The following C19orf38 variants were observed in gnomAD, a reference collection of about 807,000 sequenced individuals.
C19orf38 encodes the protein protein HIDE1.
Under a neutral mutation model 26.6 loss-of-function variants are expected in C19orf38, and 14 were observed. The observed-to-expected ratio is 0.53, with a 90% confidence interval of 0.35 to 0.82. The LOEUF is 0.82. Among genes scored for constraint, C19orf38 ranks in the 40% least tolerant of loss-of-function variants. The pLI, the probability that C19orf38 is intolerant of heterozygous loss-of-function variation, is 0.01. For missense variants in C19orf38, 261 were observed against 299.5 expected (o/e 0.87, Z 0.95); for synonymous variants, 132 against 128.5 (o/e 1.03, Z -0.18).
chr19:10,839,890 A>G (rs759166198), intron 1 of C19orf38, among the ~76,000 whole-genome samples: 11 of 151,904 alleles, frequency 7.2e-5, no homozygotes, highest in Non-Finnish European at 1.0e-4. Flanking sequence ...ACACCTGGCT[A>G]ATTATTTTTC....
At chr19:10,864,100 G>A (rs552746883) in intron 6 of C19orf38, among the ~76,000 whole-genome samples, 4 of 152,084 alleles carry the variant, frequency 2.6e-5, no homozygotes, top group South Asian at 2.1e-4. Flanking sequence ...TAGCTCTGTC[G>A]CCCAGGCTGG....
At chr19:10,851,417 T>C (rs1869289269) in intron 2 of C19orf38, among the ~76,000 whole-genome samples, 1 of 149,920 alleles carries the variant, frequency 6.7e-6, no homozygotes, top group Admixed American at 6.7e-5. Context: ...CATAGCTCAC[T>C]TCATCCTCCA....
chr19:10,865,438 T>C (rs2073742568), intron 6 of C19orf38, among the ~76,000 whole-genome samples: 1 of 150,486 alleles, frequency 6.6e-6, no homozygotes, highest in Non-Finnish European at 1.5e-5. Context: ...TGAGCCACCA[T>C]GCCCGGCCTT....
upstream of C19orf38, among the ~76,000 whole-genome samples, chr19:10,844,111 C>CT (rs1219771655): frequency 6.8e-6 from 1 of 147,840 alleles, no homozygotes; most frequent in Non-Finnish European, 1.5e-5. Flanking sequence ...GAGACCATGT[C>CT]TAAAAAAAAA....
Position 10,850,514 on chromosome 19 carries a change from T to C in C19orf38, c.287T>C (p.Leu96Pro). 1 of 1,551,590 alleles carries C rather than the reference T, an allele frequency of 6.4e-7. No homozygotes were observed. Among genetic ancestry groups the C allele is most frequent in the African/African-American group, 1.4e-5 (1 of 73,136 alleles). ...TGCCAGTATGGAGTGTTAGGTGAGC[T>C]CAACCAGTCCCAGCTGTCAGACCTC... ...FHCQYGVLGE[L>P]NQSQLSDLSE... Residue 96 changes from leucine (L) to proline (P), a missense_variant, in exon 2 of 7, where the codon CTC (leucine) becomes CCC (proline). Coordinates refer to ENST00000397820, the MANE Select transcript of C19orf38 (RefSeq NM_001136482.3).
chr19:10,857,970 C>T (rs1310023204), intron 3 of C19orf38, among the ~76,000 whole-genome samples: 2 of 151,376 alleles, frequency 1.3e-5, no homozygotes, highest in Non-Finnish European at 2.9e-5. Context: ...GGTGGCTTGC[C>T]TGTAATCCCA....
chr19:10,867,449 A>C (rs1222085388), intron 6 of C19orf38, among the ~76,000 whole-genome samples: 12 of 133,774 alleles, frequency 9.0e-5, no homozygotes, highest in Non-Finnish European at 1.9e-4. Flanking sequence ...TACTAAAACT[A>C]CAAAAAAAAA....
intron 1 of C19orf38, chr19:10,841,705 G>T (rs1051495571): frequency 2.6e-5 from 16 of 617,298 alleles, no homozygotes; most frequent in African/African-American, 2.6e-4. Flanking sequence ...AGGTGGAGTG[G>T]CTCACGCCTG....
intron 1 of C19orf38, chr19:10,842,301 C>T: frequency 1.2e-6 from 1 of 823,392 alleles, no homozygotes. Flanking sequence ...CACTCTGTCA[C>T]CCAGGCTGGA....
intron 1 of C19orf38, 61 bp downstream of exon 1, chr19:10,848,600 T>G: frequency 7.8e-7 from 1 of 1,279,566 alleles, no homozygotes; most frequent in Non-Finnish European, 1.0e-6. Flanking sequence ...CTGTCCACCT[T>G]GCCGCTCCAG....
intron 1 of C19orf38, chr19:10,842,004 C>T: frequency 6.2e-7 from 1 of 1,610,612 alleles, no homozygotes. Context: ...AAGCCAACAT[C>T]CTTTTGGAGC....
chr19:10,842,270 T>G, intron 1 of C19orf38: 1 of 1,111,660 alleles, frequency 9.0e-7, no homozygotes, highest in Non-Finnish European at 1.3e-6. Context: ...AATACTTTTT[T>G]TTTTTTTTGA....
chr19:10,860,228 C>A (rs2073682383), intron 5 of C19orf38: 2 of 402,602 alleles, frequency 5.0e-6, no homozygotes, highest in Middle Eastern at 7.0e-4. Context: ...TTCTTCTTAC[C>A]CCTCGGTAGA....
chr19:10,850,318 G>C lies in C19orf38; in HGVS notation c.91G>C (p.Glu31Gln). 1 of 1,551,308 alleles carries C rather than the reference G, an allele frequency of 6.4e-7. No individual in the cohort carries two copies. Among genetic ancestry groups the C allele is most frequent in the Non-Finnish European group, 8.7e-7 (1 of 1,146,974 alleles). Reference protein sequence around the residue: ...RLVPPYPSSQEDPIHIACMAP... With the variant: ...RLVPPYPSSQQDPIHIACMAP... ...GGTGCCCCCGTACCCAAGCAGCCAA[G>C]AGGACCCCATCCACATCGCATGCAT... Residue 31 changes from glutamate to glutamine, a missense_variant, in exon 2 of 7, where the codon GAG becomes CAG. Glu to Gln is a conservative substitution (Grantham distance 29). Transcript: ENST00000397820.
intron 5 of C19orf38, among the ~76,000 whole-genome samples, chr19:10,862,775 G>C (rs944399043): frequency 2.0e-5 from 3 of 152,062 alleles, no homozygotes; most frequent in Non-Finnish European, 4.4e-5. Flanking sequence ...GTTGCATTGA[G>C]CCGAGATCCT....
chr19:10,843,990 G>T (rs1252965279), upstream of C19orf38, among the ~76,000 whole-genome samples: 1 of 152,000 alleles, frequency 6.6e-6, no homozygotes, highest in Non-Finnish European at 1.5e-5. Context: ...GTGCATGCCT[G>T]TAATCCCAGC....
chr19:10,866,122 T>TC (rs1362574942), intron 6 of C19orf38, among the ~76,000 whole-genome samples: 2 of 151,300 alleles, frequency 1.3e-5, no homozygotes, highest in African/African-American at 2.4e-5. Flanking sequence ...CACTGCAACC[T>TC]CCCCCCCTGG....
Position 10,859,977 on chromosome 19 carries a change from C to T in C19orf38, c.505+19C>T. The stretch of plus-strand genomic sequence containing the variant: ...AGCACAGGTCTGTGCCTCCACACTC[C>T]TGACTCCAGTGGGGAAAGGATTACA... On this transcript the variant is annotated intron_variant, in intron 5 of 6. Coordinates refer to ENST00000397820, the MANE Select transcript of C19orf38 (RefSeq NM_001136482.3). 1 of 1,548,392 alleles carries T rather than the reference C, an allele frequency of 6.5e-7. No individual in the cohort carries two copies. Among genetic ancestry groups the T allele is most frequent in the Non-Finnish European group, 8.7e-7 (1 of 1,143,820 alleles).
At chr19:10,868,690 C>G (rs915619011) in intron 6 of C19orf38, among the ~76,000 whole-genome samples, 6 of 151,588 alleles carry the variant, frequency 4.0e-5, no homozygotes, top group African/African-American at 1.5e-4. Flanking sequence ...TTGTATTTTT[C>G]TGAGAGGGTT....
Sources: allele counts gnomAD v4.1 joint callset (sites outside exome capture counted in the v4.1 genomes callset), GRCh38; gene constraint gnomAD v4.1.1; transcripts MANE v1.5; gene names NCBI Gene and HGNC (gene_info 2026-07-23, HGNC 2026-07-21).